TENM4: variants seen among roughly 807,000 people sequenced by gnomAD.
TENM4 encodes teneurin transmembrane protein 4, also known as teneurin-4.
A neutral mutation model predicts 243.3 loss-of-function variants in TENM4; 82 were observed. The ratio of observed to expected loss-of-function variants is 0.34; its 90% CI spans 0.28 to 0.40. The LOEUF is 0.40. Among genes scored for constraint, TENM4 ranks in the 10% least tolerant of loss-of-function variants. The probability of loss-of-function intolerance (pLI) is 1.00; values close to 1 mark genes in which losing one functional copy is unlikely to be tolerated. For missense variants in TENM4, 3,138 were observed against 3,673.3 expected (o/e 0.85, Z 3.77); for synonymous variants, 1,412 against 1,456.3 (o/e 0.97, Z 0.69).
At chr11:79,301,018 T>C (rs1221953167) in intron 1 of TENM4, among the ~76,000 whole-genome samples, 1 of 152,132 alleles carries the variant, frequency 6.6e-6, no homozygotes, top group Non-Finnish European at 1.5e-5. Flanking sequence ...ATTTGGCTCC[T>C]TTCCCTCCCT....
intron 4 of TENM4, among the ~76,000 whole-genome samples, chr11:79,138,313 ATATATATATATATATAT>A (rs1862153460): frequency 9.0e-6 from 1 of 111,612 alleles, no homozygotes; most frequent in African/African-American, 3.6e-5. Flanking sequence ...ACTCCCCTTT[ATATATATATATATATAT>A]TATATATATA....
intron 1 of TENM4, among the ~76,000 whole-genome samples, chr11:79,348,185 C>T (rs1448232578): frequency 2.0e-5 from 3 of 152,186 alleles, no homozygotes; most frequent in African/African-American, 7.2e-5. Context: ...AGTCTTTTAA[C>T]AGAGCCATCT....
At chr11:78,852,805 A>G (rs1858570980) in intron 12 of TENM4, among the ~76,000 whole-genome samples, 1 of 152,188 alleles carries the variant, frequency 6.6e-6, no homozygotes, top group African/African-American at 2.4e-5. Context: ...GCTGGAGTGC[A>G]GTAGTATGAT....
At chr11:78,949,411 C>T (rs1214568638) in intron 6 of TENM4, among the ~76,000 whole-genome samples, 2 of 152,176 alleles carry the variant, frequency 1.3e-5, no homozygotes, top group Non-Finnish European at 2.9e-5. Context: ...GAGAGGAAGT[C>T]AAGATTGGGA....
chr11:79,334,035 C>T lies in TENM4; in HGVS notation c.-320-36492G>A, dbSNP rs755900181. ...TGCCTTTTCTAGCACACAGAATGATCGTCTAAGTCATCTGTAGTTCATGAG... is the reference window on the plus strand; with the variant it reads ...TGCCTTTTCTAGCACACAGAATGATTGTCTAAGTCATCTGTAGTTCATGAG... On this transcript the variant is annotated intron_variant, in intron 1 of 33. Coordinates refer to ENST00000278550, the MANE Select transcript of TENM4 (RefSeq NM_001098816.3). Among the ~76,000 whole-genome samples, 6 of 152,314 alleles carry T rather than the reference C, an allele frequency of 3.9e-5. No individual in the cohort carries two copies. In the South Asian group the frequency reaches 8.3e-4, roughly 21 times the overall value.
At chr11:79,124,684 C>CAT (rs1312754730) in intron 4 of TENM4, among the ~76,000 whole-genome samples, 33 of 86,030 alleles carry the variant, frequency 3.8e-4, no homozygotes, top group African/African-American at 1.3e-3. Flanking sequence ...TGTATACATA[C>CAT]ATATATATAT....
At chr11:78,977,041 G>A (rs932943755) in intron 6 of TENM4, among the ~76,000 whole-genome samples, 1 of 152,158 alleles carries the variant, frequency 6.6e-6, no homozygotes, top group Non-Finnish European at 1.5e-5. Context: ...CTGAAATAAT[G>A]ATATGGACAA....
At chr11:79,170,635 C>T (rs11603220) in intron 3 of TENM4, among the ~76,000 whole-genome samples, 464 of 152,210 alleles carry the variant, frequency 3.0e-3, no homozygotes, top group Non-Finnish European at 5.5e-3. Context: ...CCTCTATATA[C>T]GAAGGAATGC....
chr11:79,134,057 G>A (rs1484483442), intron 4 of TENM4, among the ~76,000 whole-genome samples: 1 of 152,108 alleles, frequency 6.6e-6, no homozygotes, highest in Non-Finnish European at 1.5e-5. Flanking sequence ...AAGCCAAACT[G>A]TCACTGTTTG....
intron 4 of TENM4, among the ~76,000 whole-genome samples, chr11:79,136,945 C>T (rs1862121418): frequency 6.6e-6 from 1 of 152,074 alleles, no homozygotes; most frequent in South Asian, 2.1e-4. Context: ...AGGGCTGGGG[C>T]AAAGTTCTGC....
chr11:79,207,830 T>C lies in TENM4; in HGVS notation c.-163+7978A>G, dbSNP rs553095060. 2.9e-4 allele frequency among the ~76,000 whole-genome samples: 40 copies of C among 139,326 alleles called. 1 individual carries two copies. In the South Asian group the frequency reaches 4.1e-3, roughly 14 times the overall value. 91.4% of individuals were successfully genotyped at this position (139,326 alleles called of 152,430 possible). A position where few individuals can be genotyped will look rare whatever the true frequency, so the allele number is the denominator to read the frequency against. ...GCAGTGAACAGAGATTGTGTCACTGTACTCCAGCCTGGATGACAGAGCCAG... is the reference window on the plus strand; with the variant it reads ...GCAGTGAACAGAGATTGTGTCACTGCACTCCAGCCTGGATGACAGAGCCAG... On this transcript the variant is annotated intron_variant, in intron 3 of 33. Transcript: ENST00000278550.
intron 2 of TENM4, among the ~76,000 whole-genome samples, chr11:79,235,423 G>A (rs1864447094): frequency 6.6e-6 from 1 of 152,192 alleles, no homozygotes; most frequent in Non-Finnish European, 1.5e-5. Context: ...ACCTGGGACG[G>A]ATGAAGCTCC....
intron 2 of TENM4, among the ~76,000 whole-genome samples, chr11:79,261,481 T>C (rs967489156): frequency 4.6e-5 from 7 of 152,146 alleles, no homozygotes; most frequent in African/African-American, 7.2e-5. Context: ...CTGGTTTCTT[T>C]TGGGGATGAT....
At chr11:79,138,557 A>AT (rs1257424558) in intron 4 of TENM4, among the ~76,000 whole-genome samples, 3,807 of 33,918 alleles carry the variant, frequency 0.11, 267 homozygotes, top group Non-Finnish European at 0.14. Context: ...ATATTTATAT[A>AT]AATACATAAA....
At chr11:79,352,428 A>G (rs1324858754) in intron 1 of TENM4, among the ~76,000 whole-genome samples, 2 of 152,128 alleles carry the variant, frequency 1.3e-5, no homozygotes, top group African/African-American at 4.8e-5. Flanking sequence ...TGCTGCCCCA[A>G]TCATGCCCAG....
chr11:79,388,165 A>C (rs1376098348), intron 1 of TENM4, among the ~76,000 whole-genome samples: 1 of 152,206 alleles, frequency 6.6e-6, no homozygotes, highest in Non-Finnish European at 1.5e-5. Context: ...GGGCCCCAGC[A>C]ACAGAGATGT....
rs182547715 is a variant in TENM4 at position 78,786,272 on chromosome 11, G to C, written c.2365+626C>G. Among the ~76,000 whole-genome samples the C allele has an allele frequency of 4.6e-3, 699 of 152,336 alleles. 5 individuals are homozygous for C. The highest frequency in any genetic ancestry group is 0.015 in the African/African-American group (643 of 41,586). Reference sequence around the variant, plus strand: ...GACAGGATGGAAGCTGAGGACGGGGGAAGATCCCAGGCCTAATGGACTCCA... The same window carrying C: ...GACAGGATGGAAGCTGAGGACGGGGCAAGATCCCAGGCCTAATGGACTCCA... On this transcript the variant is annotated intron_variant, in intron 16 of 33. Transcript: ENST00000278550.
intron 6 of TENM4, among the ~76,000 whole-genome samples, chr11:78,931,757 C>T (rs954478542): frequency 2.0e-5 from 3 of 152,128 alleles, no homozygotes; most frequent in East Asian, 1.9e-4. Context: ...GGATTTCCAC[C>T]GGGGCTAGGT....
At chr11:78,987,626 T>C (rs922559543) in intron 6 of TENM4, among the ~76,000 whole-genome samples, 2 of 152,258 alleles carry the variant, frequency 1.3e-5, no homozygotes, top group Non-Finnish European at 2.9e-5. Flanking sequence ...CTGTAATGCA[T>C]GCATGTTATT....
Sources: allele counts gnomAD v4.1 joint callset (sites outside exome capture counted in the v4.1 genomes callset), GRCh38; gene constraint gnomAD v4.1.1; transcripts MANE v1.5; gene names NCBI Gene and HGNC (gene_info 2026-07-23, HGNC 2026-07-21).